Variants in OR8B3 observed in about 807,000 individuals in gnomAD.
OR8B3 encodes the protein olfactory receptor family 8 subfamily B member 3.
For synonymous variants in OR8B3, 102 were observed against 135.4 expected (o/e 0.75, Z 1.71); for missense variants, 278 against 377.6 (o/e 0.74, Z 2.19).
chr11:124,400,312 C>T (rs1423889216), upstream of OR8B3, among the ~76,000 whole-genome samples: 1 of 152,096 alleles, frequency 6.6e-6, no homozygotes, highest in African/African-American at 2.4e-5. Flanking sequence ...CACCTATCAA[C>T]TCACATACTG....
At chr11:124,409,681 C>T in the OR8B3 span, among the ~76,000 whole-genome samples, 1 of 152,160 alleles carries the variant, frequency 6.6e-6, no homozygotes, top group Non-Finnish European at 1.5e-5. Flanking sequence ...GATCCTTTAT[C>T]TAAGCAAAGG....
At chr11:124,403,797 C>G (rs1354531334), upstream of OR8B3, among the ~76,000 whole-genome samples, 3 of 152,066 alleles carry the variant, frequency 2.0e-5, no homozygotes, top group Non-Finnish European at 1.5e-5. Context: ...GCCGAGATCA[C>G]GCCACTGCAC....
At chr11:124,406,783 C>G in the OR8B3 span, among the ~76,000 whole-genome samples, 1 of 142,996 alleles carries the variant, frequency 7.0e-6, no homozygotes, top group South Asian at 2.2e-4. Context: ...TCTTTGTAAC[C>G]TCCTTCTCAC....
At chr11:124,406,827 A>G in the OR8B3 span, among the ~76,000 whole-genome samples, 2 of 149,804 alleles carry the variant, frequency 1.3e-5, no homozygotes, top group South Asian at 2.1e-4. Context: ...ACACACACAC[A>G]CGCACAATCT....
chr11:124,405,672 C>T, the OR8B3 span, among the ~76,000 whole-genome samples: 1 of 152,202 alleles, frequency 6.6e-6, no homozygotes, highest in South Asian at 2.1e-4. Context: ...AGAAGGCCCT[C>T]TTCACAAGCA....
the OR8B3 span, among the ~76,000 whole-genome samples, chr11:124,404,028 A>G: frequency 6.6e-6 from 1 of 152,146 alleles, no homozygotes; most frequent in South Asian, 2.1e-4. Context: ...CAGGAGAATC[A>G]GGCAGGGAGG....
chr11:124,396,219 T>C lies in OR8B3; in HGVS notation c.*191A>G. The C allele has an allele frequency of 1.8e-6, 1 of 565,156 alleles. No individual in the cohort carries two copies. Among genetic ancestry groups the C allele is most frequent in the Non-Finnish European group, 3.1e-6 (1 of 325,130 alleles). 35.0% of individuals were successfully genotyped at this position (565,156 alleles called of 1,614,324 possible). A position where few individuals can be genotyped will look rare whatever the true frequency, so the allele number is the denominator to read the frequency against. ...TTTTACAAAGATGCCATGACCTATT[T>C]AGTAAAATTGTGAGAAGTGCCAGAG... On this transcript the variant is annotated 3_prime_UTR_variant, in exon 2 of 2. Transcript: ENST00000641139.
In OR8B3 at chr11:124,396,503, C is replaced by T; in HGVS notation, c.849G>A (p.Met283Ile). 3 of 1,614,108 alleles carry T rather than the reference C, an allele frequency of 1.9e-6. No homozygotes were observed. Among genetic ancestry groups the T allele is most frequent in the Non-Finnish European group, 2.5e-6 (3 of 1,180,034 alleles). ...TCAAACTGTAGATGAGAGGATTGAG[C>T]ATGGGCACCACATTAGTGTAGAAAA... ...SSVFYTNVVP[M>I]LNPLIYSLRN... Residue 283 changes from methionine to isoleucine, a missense_variant, in exon 2 of 2, where the codon ATG (methionine) becomes ATA (isoleucine). Physicochemically the swap from Met to Ile is conservative, Grantham distance 10. Coordinates refer to ENST00000641139, the MANE Select transcript of OR8B3 (RefSeq NM_001005467.2).
upstream of OR8B3, among the ~76,000 whole-genome samples, chr11:124,402,126 G>C (rs919840587): frequency 6.6e-6 from 1 of 152,138 alleles, no homozygotes; most frequent in Non-Finnish European, 1.5e-5. Flanking sequence ...CCTTTTGCAT[G>C]TATTCTTATA....
upstream of OR8B3, among the ~76,000 whole-genome samples, chr11:124,401,538 G>GT (rs1273954287): frequency 2.0e-5 from 3 of 152,082 alleles, no homozygotes; most frequent in South Asian, 2.1e-4. Context: ...AAATATAAGA[G>GT]TTTTTTTCCT....
At chr11:124,406,932 T>C in the OR8B3 span, among the ~76,000 whole-genome samples, 12,183 of 152,170 alleles carry the variant, frequency 0.08, 784 homozygotes, top group African/African-American at 0.18. Flanking sequence ...TATTTACAGA[T>C]AATAGATCAG....
the OR8B3 span, among the ~76,000 whole-genome samples, chr11:124,408,053 T>C: frequency 2.6e-5 from 4 of 152,336 alleles, no homozygotes; most frequent in South Asian, 8.3e-4. Context: ...CTATAAATGA[T>C]GTATGTATTA....
chr11:124,397,146 A>G lies in OR8B3; in HGVS notation c.206T>C (p.Ile69Thr), dbSNP rs752247102. 8 of 1,612,816 alleles carry G rather than the reference A, an allele frequency of 5.0e-6. No individual in the cohort carries two copies. Among genetic ancestry groups the G allele is most frequent in the African/African-American group, 2.7e-5 (2 of 74,478 alleles). ...GAAAACAGAGGAGTAACAGAGATCA[A>G]TGAAGGAGAGATTGAAGAGGAAATA... is the stretch of plus-strand genomic sequence containing the variant. ...MYYFLFNLSF[I>T]DLCYSSVFTP... The change falls in exon 2 of 2, where the codon ATT (isoleucine) becomes ACT (threonine). Residue 69 changes from isoleucine to threonine, a missense_variant. Ile to Thr is a moderately conservative substitution (Grantham distance 89). Transcript: ENST00000641139.
chr11:124,401,558 G>C (rs939978153), upstream of OR8B3, among the ~76,000 whole-genome samples: 1 of 152,092 alleles, frequency 6.6e-6, no homozygotes, highest in Non-Finnish European at 1.5e-5. Flanking sequence ...TTTCATTGGC[G>C]TATTTAATGT....
chr11:124,405,893 C>G, the OR8B3 span, among the ~76,000 whole-genome samples: 1 of 152,216 alleles, frequency 6.6e-6, no homozygotes, highest in Non-Finnish European at 1.5e-5. Flanking sequence ...CTGTACTCAG[C>G]ATTCTTACTT....
At position 124,396,395 on chromosome 11, in the gene OR8B3, T is replaced by C. The variant is rs1196539829; in HGVS notation, c.*15A>G. 3 of 1,578,410 alleles carry C rather than the reference T, an allele frequency of 1.9e-6. No individual in the cohort carries two copies. The highest frequency in any genetic ancestry group is 2.4e-5 in the South Asian group (2 of 84,264). On this transcript the variant is annotated 3_prime_UTR_variant, in exon 2 of 2. Transcript: ENST00000641139. ...TTAAAGTTCTTCAATCGTTTTACAT[T>C]ATTACTGCTTCTAATTAGAATATAT...
At chr11:124,399,222 T>A (rs1376600847), upstream of OR8B3, among the ~76,000 whole-genome samples, 1 of 152,162 alleles carries the variant, frequency 6.6e-6, no homozygotes, top group East Asian at 1.9e-4. Context: ...CTAATTATAA[T>A]CCTAGGTAGT....
At chr11:124,408,772 A>G in the OR8B3 span, among the ~76,000 whole-genome samples, 1 of 152,180 alleles carries the variant, frequency 6.6e-6, no homozygotes, top group African/African-American at 2.4e-5. Flanking sequence ...GCGCCTCCCC[A>G]TAAGACATGT....
rs762486067 is a variant in OR8B3, at chr11:124,396,530, A to G, written c.822T>C (p.Ser274=). The change falls in exon 2 of 2, where the codon TCT becomes TCC. Residue 274 remains serine (S), a synonymous_variant. Coordinates refer to ENST00000641139, the MANE Select transcript of OR8B3 (RefSeq NM_001005467.2). Reference sequence around the variant, plus strand: ...TGGGCACCACATTAGTGTAGAAAACAGAAGAAACTTTTCCCTGCTCCATAG... The same window carrying G: ...TGGGCACCACATTAGTGTAGAAAACGGAAGAAACTTTTCCCTGCTCCATAG... The part of the protein sequence containing the change: ...SGSMEQGKVS[S]VFYTNVVPML... 2.5e-6 allele frequency: 4 copies of G among 1,613,980 alleles called. No homozygotes were observed. Among genetic ancestry groups the G allele is most frequent in the Non-Finnish European group, 3.4e-6 (4 of 1,180,018 alleles).
Sources: allele counts gnomAD v4.1 joint callset (sites outside exome capture counted in the v4.1 genomes callset), GRCh38; gene constraint gnomAD v4.1.1; transcripts MANE v1.5; gene names NCBI Gene and HGNC (gene_info 2026-07-23, HGNC 2026-07-21).